The following HDAC9 variants were observed in gnomAD, a reference collection of about 807,000 sequenced individuals.
The protein encoded by HDAC9 is MEF-2 interacting transcription repressor (MITR) protein.
A neutral mutation model predicts 139.4 loss-of-function variants in HDAC9; 41 were observed. The ratio of observed to expected loss-of-function variants is 0.29; its 90% CI spans 0.23 to 0.38. The LOEUF (loss-of-function observed/expected upper bound fraction) is 0.38, where lower values mean the gene tolerates loss of function less well. Ranked by LOEUF, HDAC9 falls within the 10% of genes least tolerant of loss-of-function variation. The pLI, the probability that HDAC9 is intolerant of heterozygous loss-of-function variation, is 1.00. For synonymous variants in HDAC9, 517 were observed against 476.2 expected, an observed-to-expected ratio of 1.09 and a Z score of -1.12; for missense variants, 1,147 against 1,297.0, an observed-to-expected ratio of 0.88 and a Z score of 1.78.
chr7:18,820,365 A>C (rs751644171), intron 17 of HDAC9, among the ~76,000 whole-genome samples: 2 of 152,228 alleles, frequency 1.3e-5, no homozygotes, highest in African/African-American at 4.8e-5. Flanking sequence ...TACTATACAA[A>C]TTCCCTGTTA....
intron 25 of HDAC9, among the ~76,000 whole-genome samples, chr7:18,992,971 A>G (rs1445931157): frequency 1.3e-5 from 2 of 152,184 alleles, no homozygotes; most frequent in Non-Finnish European, 2.9e-5. Context: ...GTCTTTGTTA[A>G]TCAAGGTGAA....
chr7:18,455,540 G>T (rs1793266361), intron 1 of HDAC9, among the ~76,000 whole-genome samples: 1 of 152,160 alleles, frequency 6.6e-6, no homozygotes, highest in Non-Finnish European at 1.5e-5. Flanking sequence ...CCAGGTCTCA[G>T]TGTTGATTAT....
intron 23 of HDAC9, among the ~76,000 whole-genome samples, chr7:18,945,934 G>A (rs894320947): frequency 2.0e-5 from 3 of 149,996 alleles, no homozygotes; most frequent in African/African-American, 7.3e-5. Context: ...CTACTCAGGA[G>A]GCTGAGGCTG....
At chr7:18,408,949 G>A (rs1394727869) in intron 1 of HDAC9, among the ~76,000 whole-genome samples, 1 of 152,168 alleles carries the variant, frequency 6.6e-6, no homozygotes, top group Non-Finnish European at 1.5e-5. Context: ...CCTTCAGGTA[G>A]CAGCTTTTTG....
At chr7:18,734,591 AT>A (rs1391930514) in intron 13 of HDAC9, among the ~76,000 whole-genome samples, 1 of 152,192 alleles carries the variant, frequency 6.6e-6, no homozygotes, top group African/African-American at 2.4e-5. Context: ...GCTGCATAGT[AT>A]TCCATGGTGT....
At chr7:18,993,486 C>T (rs375244822) in intron 25 of HDAC9, among the ~76,000 whole-genome samples, 2 of 152,314 alleles carry the variant, frequency 1.3e-5, no homozygotes, top group African/African-American at 4.8e-5. Context: ...ATGCTACTAA[C>T]ACTTCTATGC....
chr7:18,104,690 C>T (rs905974419), intron 1 of HDAC9, among the ~76,000 whole-genome samples: 1 of 152,044 alleles, frequency 6.6e-6, no homozygotes, highest in Non-Finnish European at 1.5e-5. Flanking sequence ...CCTCCTCTGC[C>T]TCTGCTCTCT....
chr7:18,119,351 G>C (rs1361761514), intron 1 of HDAC9, among the ~76,000 whole-genome samples: 1 of 152,196 alleles, frequency 6.6e-6, no homozygotes, highest in South Asian at 2.1e-4. Context: ...AAACTGATCT[G>C]ACCAAGCAAT....
intron 1 of HDAC9, among the ~76,000 whole-genome samples, chr7:18,153,721 C>T (rs1786959982): frequency 6.6e-6 from 1 of 152,178 alleles, no homozygotes; most frequent in South Asian, 2.1e-4. Context: ...ACCTATTCTC[C>T]TGCCTCAGAT....
chr7:18,540,103 CAAAAA>C (rs34620445), intron 2 of HDAC9, among the ~76,000 whole-genome samples: 1 of 58,424 alleles, frequency 1.7e-5, no homozygotes, highest in Admixed American at 2.0e-4. Flanking sequence ...ACTAAAAATA[CAAAAA>C]AAAAAAAAAA....
intron 1 of HDAC9, among the ~76,000 whole-genome samples, chr7:18,480,935 G>A (rs1017324415): frequency 1.6e-4 from 24 of 152,032 alleles, no homozygotes; most frequent in South Asian, 2.1e-4. Context: ...TCAGTTCCTC[G>A]TGCCCAAACT....
chr7:18,862,223 A>T (rs1232020108), intron 21 of HDAC9, among the ~76,000 whole-genome samples: 1 of 152,200 alleles, frequency 6.6e-6, no homozygotes, highest in Non-Finnish European at 1.5e-5. Flanking sequence ...ATCAGCAAGG[A>T]TGCTGAGCTT....
At chr7:18,383,845 C>T (rs1278679174) in intron 1 of HDAC9, among the ~76,000 whole-genome samples, 1 of 150,076 alleles carries the variant, frequency 6.7e-6, no homozygotes, top group Non-Finnish European at 1.5e-5. Context: ...GCCGAGATTG[C>T]ACCACTGCAC....
At chr7:18,334,386 C>T (rs1045195423) in intron 1 of HDAC9, among the ~76,000 whole-genome samples, 4 of 151,384 alleles carry the variant, frequency 2.6e-5, no homozygotes, top group Non-Finnish European at 5.9e-5. Flanking sequence ...AAAGAAAAAA[C>T]ATCTCACCAG....
intron 1 of HDAC9, among the ~76,000 whole-genome samples, chr7:18,156,426 C>G (rs1054922331): frequency 6.6e-6 from 1 of 152,160 alleles, no homozygotes; most frequent in African/African-American, 2.4e-5. Flanking sequence ...ATTTTTCTTT[C>G]TTTCTCTGAT....
At position 18,975,834 on chromosome 7, in the gene HDAC9, G is replaced by A. The variant is rs749330613; in HGVS notation, c.3051G>A (p.Val1017=). 1.9e-6 allele frequency: 3 copies of A among 1,613,760 alleles called. No individual in the cohort carries two copies. The highest frequency in any genetic ancestry group is 2.5e-6 in the Non-Finnish European group (3 of 1,179,828). ...QSKYWKSVRM[V]AVPRGCALAG... is the part of the protein sequence containing the mutation. Reference sequence around the variant, plus strand: ...AGTATTGGAAGTCAGTAAGGATGGTGGCTGTGCCAAGGGGCTGTGCTCTGG... The same window carrying A: ...AGTATTGGAAGTCAGTAAGGATGGTAGCTGTGCCAAGGGGCTGTGCTCTGG... The change falls in exon 25 of 26, where the codon GTG becomes GTA. Residue 1017 remains valine, a synonymous_variant. Coordinates refer to ENST00000686413, the MANE Select transcript of HDAC9 (RefSeq NM_178425.4).
intron 6 of HDAC9, among the ~76,000 whole-genome samples, chr7:18,608,165 A>G (rs1357204976): frequency 6.6e-6 from 1 of 152,162 alleles, no homozygotes; most frequent in East Asian, 1.9e-4. Flanking sequence ...CTAATGAAGT[A>G]AATTAAGAGA....
chr7:18,984,583 T>C (rs952366865), intron 25 of HDAC9, among the ~76,000 whole-genome samples: 1 of 152,064 alleles, frequency 6.6e-6, no homozygotes, highest in African/African-American at 2.4e-5. Context: ...CAATTAATCA[T>C]GGTAGAGGAA....
At chr7:18,663,180 G>T (rs766896974) in intron 11 of HDAC9, among the ~76,000 whole-genome samples, 11 of 152,040 alleles carry the variant, frequency 7.2e-5, no homozygotes, top group African/African-American at 9.7e-5. Flanking sequence ...GTTTGAAATT[G>T]AGATTTAGAG....
Sources: gnomAD v4.1 joint callset for allele counts (sites outside exome capture counted in the v4.1 genomes callset) on GRCh38, gnomAD v4.1.1 for gene constraint, MANE v1.5 for transcripts, NCBI Gene and HGNC (gene_info 2026-07-23, HGNC 2026-07-21) for gene names.